The following SCG5 variants were observed in gnomAD, a reference collection of about 807,000 sequenced individuals.
SCG5 encodes neuroendocrine protein 7B2.
A neutral mutation model predicts 25.7 loss-of-function variants in SCG5; 18 were observed. The ratio of observed to expected loss-of-function variants is 0.70; its 90% CI spans 0.48 to 1.04. The LOEUF (loss-of-function observed/expected upper bound fraction) is 1.04. Ranked by LOEUF, SCG5 falls within the 50% of genes least tolerant of loss-of-function variation. The pLI is 0.00. For missense variants in SCG5, 206 were observed against 259.8 expected (o/e 0.79, Z 1.42); for synonymous variants, 101 against 91.7 (o/e 1.10, Z -0.58).
chr15:32,681,056 A>G (rs1287845727), intron 3 of SCG5, among the ~76,000 whole-genome samples: 1 of 152,234 alleles, frequency 6.6e-6, no homozygotes, highest in Non-Finnish European at 1.5e-5. Flanking sequence ...AGCACCTAGC[A>G]CAGAGTAAGG....
intron 2 of SCG5, among the ~76,000 whole-genome samples, chr15:32,658,551 C>T (rs1036405110): frequency 1.3e-5 from 2 of 152,130 alleles, no homozygotes; most frequent in South Asian, 2.1e-4. Flanking sequence ...TTAAGGCTGT[C>T]GCCAAGTTTT....
In SCG5 at chr15:32,679,831, T is replaced by C. The variant is rs766117870; in HGVS notation, c.292T>C (p.Leu98=). Reference sequence around the variant, plus strand: ...CAACATCCCCAACATCGTGGCAGAGTTGACTGGAGACAACATTCCTAAGGA... The same window carrying C: ...CAACATCCCCAACATCGTGGCAGAGCTGACTGGAGACAACATTCCTAAGGA... ...FGNIPNIVAE[L]TGDNIPKDFS... is the part of the protein sequence containing the mutation. Residue 98 remains leucine (L), a synonymous_variant, in exon 3 of 6, where the codon TTG becomes CTG. Transcript: ENST00000300175. The C allele has an allele frequency of 1.2e-6, 2 of 1,613,650 alleles. No homozygotes were observed. The highest frequency in any genetic ancestry group is 1.7e-5 in the Admixed American group (1 of 59,968).
chr15:32,671,699 GAA>G (rs36107704), intron 2 of SCG5, among the ~76,000 whole-genome samples: 21 of 143,710 alleles, frequency 1.5e-4, no homozygotes, highest in African/African-American at 2.0e-4. Flanking sequence ...CTCAAGTAGT[GAA>G]AAAAAAAAAA....
chr15:32,650,097 T>C (rs1425075225), intron 2 of SCG5, among the ~76,000 whole-genome samples: 1 of 152,106 alleles, frequency 6.6e-6, no homozygotes, highest in Non-Finnish European at 1.5e-5. Flanking sequence ...CCCAATCTTA[T>C]TTATTTATTT....
At position 32,657,209 on chromosome 15, in the gene SCG5, A is replaced by ATATATGTATATATATATATATATATATG; in HGVS notation, c.226+13394_226+13395insATGTATATATATATATATATATATGTAT. Among the ~76,000 whole-genome samples the ATATATGTATATATATATATATATATATG allele has an allele frequency of 2.8e-4, 11 of 38,750 alleles. 3 individuals are homozygous for ATATATGTATATATATATATATATATATG. The South Asian group carries it at 3.9e-3, about 14-fold the overall frequency. 25.4% of individuals were successfully genotyped at this position (38,750 alleles called of 152,430 possible). On this transcript the variant is annotated intron_variant, in intron 2 of 5. Transcript: ENST00000300175. The stretch of plus-strand genomic sequence containing the variant: ...TTCTTTCATCCTCCTGTATATATAT[A>ATATATGTATATATATATATATATATATG]TATGTATGTATTTCCAGGTGTAAGT...
intron 4 of SCG5, among the ~76,000 whole-genome samples, chr15:32,691,232 G>T (rs560678269): frequency 1.6e-4 from 24 of 152,190 alleles, no homozygotes; most frequent in Non-Finnish European, 2.9e-4. Context: ...TTGACTGGGG[G>T]CACTGACTTA....
intron 4 of SCG5, among the ~76,000 whole-genome samples, chr15:32,690,935 G>A (rs1235207272): frequency 7.5e-6 from 1 of 134,066 alleles, no homozygotes; most frequent in Non-Finnish European, 1.6e-5. Flanking sequence ...CCCCCCCACC[G>A]CCACCAAATC....
chr15:32,688,802 C>G (rs2054776043), intron 4 of SCG5, among the ~76,000 whole-genome samples: 1 of 151,712 alleles, frequency 6.6e-6, no homozygotes, highest in Non-Finnish European at 1.5e-5. Context: ...ACTAAAAATA[C>G]AAAAAAATTA....
At chr15:32,648,248 A>C (rs1384230447) in intron 2 of SCG5, among the ~76,000 whole-genome samples, 2 of 152,042 alleles carry the variant, frequency 1.3e-5, no homozygotes, top group Non-Finnish European at 2.9e-5. Context: ...TATCTCTAAA[A>C]TCCATGTGCA....
At chr15:32,647,041 T>G (rs2053953695) in intron 2 of SCG5, among the ~76,000 whole-genome samples, 1 of 152,208 alleles carries the variant, frequency 6.6e-6, no homozygotes, top group Non-Finnish European at 1.5e-5. Flanking sequence ...GCACAAACCA[T>G]TGTCAGAGAC....
intron 2 of SCG5, among the ~76,000 whole-genome samples, chr15:32,650,381 G>A (rs565172116): frequency 2.0e-5 from 3 of 152,288 alleles, no homozygotes; most frequent in Non-Finnish European, 2.9e-5. Context: ...GATTACAGGC[G>A]TGAGCCACCA....
chr15:32,663,080 A>ATATATATAT (rs2054262648), intron 2 of SCG5, among the ~76,000 whole-genome samples: 3 of 77,688 alleles, frequency 3.9e-5, no homozygotes, highest in African/African-American at 1.3e-4. Context: ...TATATATATA[A>ATATATATAT]TATATAATAT....
intron 3 of SCG5, among the ~76,000 whole-genome samples, chr15:32,681,538 G>GTGGC (rs1242648243): frequency 6.8e-6 from 1 of 146,268 alleles, no homozygotes. Context: ...TGGGAGTGTA[G>GTGGC]TGGCACAATT....
At chr15:32,647,745 C>T (rs12594777) in intron 2 of SCG5, among the ~76,000 whole-genome samples, 19,810 of 152,202 alleles carry the variant, frequency 0.13, 1,459 homozygotes, top group Middle Eastern at 0.18. Context: ...AGGAAATAAA[C>T]GTGAACAGCA....
Position 32,643,775 on chromosome 15 carries a change from A to G in SCG5, c.183A>G (p.Pro61=). Residue 61 remains proline, a synonymous_variant, in exon 2 of 6, where the codon CCA becomes CCG. Coordinates refer to ENST00000300175, the MANE Select transcript of SCG5 (RefSeq NM_001144757.3). ...LGIARPRVEY[P]AHQAMNLVGP... is the part of the protein sequence containing the mutation. ...TTGCCAGGCCCCGAGTGGAATATCC[A>G]GCTCACCAGGCCATGAATCTTGTGG... 1 of 1,613,914 alleles carries G rather than the reference A, an allele frequency of 6.2e-7. No homozygotes were observed. Among genetic ancestry groups the G allele is most frequent in the Non-Finnish European group, 8.5e-7 (1 of 1,179,896 alleles).
intron 2 of SCG5, among the ~76,000 whole-genome samples, chr15:32,672,441 A>T (rs2054444556): frequency 6.6e-6 from 1 of 152,086 alleles, no homozygotes. Context: ...GATGTTCCAA[A>T]CCTCCAGCGT....
intron 2 of SCG5, among the ~76,000 whole-genome samples, chr15:32,654,471 G>A (rs2054082203): frequency 6.6e-6 from 1 of 152,140 alleles, no homozygotes; most frequent in African/African-American, 2.4e-5. Flanking sequence ...AGCCTGAGCT[G>A]GACCCCGGTG....
At chr15:32,664,321 T>C (rs1465833841) in intron 2 of SCG5, among the ~76,000 whole-genome samples, 1 of 152,214 alleles carries the variant, frequency 6.6e-6, no homozygotes, top group Non-Finnish European at 1.5e-5. Flanking sequence ...CCTCCTTCCC[T>C]ACATTGCTCT....
At chr15:32,647,717 G>T (rs1390238538) in intron 2 of SCG5, among the ~76,000 whole-genome samples, 5 of 152,168 alleles carry the variant, frequency 3.3e-5, no homozygotes. Flanking sequence ...TGAGTGCCAG[G>T]CACTGTTTTA....
Sources: gnomAD v4.1 joint callset for allele counts (sites outside exome capture counted in the v4.1 genomes callset) on GRCh38, gnomAD v4.1.1 for gene constraint, MANE v1.5 for transcripts, NCBI Gene and HGNC (gene_info 2026-07-23, HGNC 2026-07-21) for gene names.